NKAIN2: variants seen among roughly 807,000 people sequenced by gnomAD.
NKAIN2 encodes the protein sodium/potassium transporting ATPase interacting 2, also known as sodium/potassium-transporting ATPase subunit beta-1-interacting protein 2.
In NKAIN2, 14 loss-of-function variants were observed where a neutral mutation model predicts 32.6. The observed-to-expected ratio is 0.43, with a 90% confidence interval of 0.28 to 0.67. The LOEUF (loss-of-function observed/expected upper bound fraction) is 0.67. NKAIN2 is among the 30% of genes least tolerant of loss of function. The pLI is 0.17. For missense variants in NKAIN2, 198 were observed against 258.3 expected, an observed-to-expected ratio of 0.77 and a Z score of 1.60; for synonymous variants, 80 against 87.2, an observed-to-expected ratio of 0.92 and a Z score of 0.46.
chr6:124,155,209 A>G (rs1787922361), intron 1 of NKAIN2, among the ~76,000 whole-genome samples: 1 of 152,082 alleles, frequency 6.6e-6, no homozygotes, highest in African/African-American at 2.4e-5. Context: ...AAGATACAAA[A>G]TTATATCTAG....
At chr6:124,226,475 A>T (rs1792117276) in intron 1 of NKAIN2, among the ~76,000 whole-genome samples, 1 of 152,008 alleles carries the variant, frequency 6.6e-6, no homozygotes, top group South Asian at 2.1e-4. Flanking sequence ...CCCTTGTAAC[A>T]TTTCTATTGT....
intron 3 of NKAIN2, among the ~76,000 whole-genome samples, chr6:124,607,233 A>G (rs909419038): frequency 1.3e-5 from 2 of 152,184 alleles, no homozygotes; most frequent in Non-Finnish European, 2.9e-5. Flanking sequence ...ATTTAACTAT[A>G]TATTATTTAA....
chr6:124,695,402 A>G (rs1774452690), intron 4 of NKAIN2, among the ~76,000 whole-genome samples: 1 of 152,242 alleles, frequency 6.6e-6, no homozygotes, highest in Admixed American at 6.5e-5. Flanking sequence ...CCAGGACAAT[A>G]GCATGAATCT....
intron 2 of NKAIN2, among the ~76,000 whole-genome samples, chr6:124,340,859 A>G (rs1431293531): frequency 6.6e-6 from 1 of 152,148 alleles, no homozygotes; most frequent in Non-Finnish European, 1.5e-5. Flanking sequence ...TCTTGGCATG[A>G]AATGTTTTGC....
At chr6:124,265,639 T>G (rs894970356) in intron 1 of NKAIN2, among the ~76,000 whole-genome samples, 1 of 152,226 alleles carries the variant, frequency 6.6e-6, no homozygotes, top group African/African-American at 2.4e-5. Context: ...AATTAGTAGA[T>G]TGTGCTTTAC....
rs575214599 is a variant in NKAIN2 at position 124,540,019 on chromosome 6, C to G, written c.274-118167C>G. Among the ~76,000 whole-genome samples, 10 of 152,260 alleles carry G rather than the reference C, an allele frequency of 6.6e-5. 1 individual carries two copies. The South Asian group carries it at 1.7e-3, about 25-fold the overall frequency. On this transcript the variant is annotated intron_variant, in intron 3 of 6. Transcript: ENST00000368417. Reference sequence around the variant, plus strand: ...TATAGGCGTGAGCCACCACGCCCAGCCAAAGATGTATTTAAACACCAAAGT... The same window carrying G: ...TATAGGCGTGAGCCACCACGCCCAGGCAAAGATGTATTTAAACACCAAAGT...
intron 3 of NKAIN2, among the ~76,000 whole-genome samples, chr6:124,450,271 T>C (rs997118365): frequency 2.6e-5 from 4 of 151,748 alleles, no homozygotes; most frequent in African/African-American, 7.2e-5. Flanking sequence ...TTCAAGACAA[T>C]TGTTTTTCTG....
chr6:124,317,039 C>A (rs1377835873), intron 2 of NKAIN2, among the ~76,000 whole-genome samples: 1 of 152,080 alleles, frequency 6.6e-6, no homozygotes, highest in Admixed American at 6.6e-5. Context: ...GTTGCATGTG[C>A]TTATAGTCCC....
At chr6:124,392,688 G>GA (rs953067943) in intron 3 of NKAIN2, among the ~76,000 whole-genome samples, 30 of 152,026 alleles carry the variant, frequency 2.0e-4, no homozygotes, top group South Asian at 6.2e-4. Context: ...ATTTATGATA[G>GA]AAAAAAATAC....
rs149584778 is a variant in NKAIN2 at position 123,875,517 on chromosome 6, T to G, written c.54+71263T>G. ...TTCTTATTAGTGTTTTTGTGGGGTA[T>G]CTATATTTTAATGATTGATTTGTAA... On this transcript the variant is annotated intron_variant, in intron 1 of 6. Coordinates refer to ENST00000368417, the MANE Select transcript of NKAIN2 (RefSeq NM_001040214.3). Among the ~76,000 whole-genome samples, 12 of 152,170 alleles carry G rather than the reference T, an allele frequency of 7.9e-5. No homozygotes were observed. The East Asian group carries it at 1.9e-3, about 24-fold the overall frequency.
intron 2 of NKAIN2, among the ~76,000 whole-genome samples, chr6:124,335,644 A>G (rs1301550311): frequency 6.6e-6 from 1 of 152,176 alleles, no homozygotes; most frequent in African/African-American, 2.4e-5. Context: ...ACCTTAGTAA[A>G]TGATAATTAT....
intron 3 of NKAIN2, among the ~76,000 whole-genome samples, chr6:124,563,064 C>T (rs781476192): frequency 1.5e-4 from 23 of 151,950 alleles, no homozygotes; most frequent in Non-Finnish European, 2.4e-4. Flanking sequence ...CTACCATGCC[C>T]GGCTAATTTT....
At chr6:124,599,075 C>T (rs906435502) in intron 3 of NKAIN2, among the ~76,000 whole-genome samples, 5 of 149,022 alleles carry the variant, frequency 3.4e-5, no homozygotes, top group African/African-American at 9.9e-5. Flanking sequence ...TTTCAAAAAC[C>T]GAAAATATCA....
chr6:124,761,326 C>T (rs1351464216), intron 4 of NKAIN2, among the ~76,000 whole-genome samples: 1 of 152,142 alleles, frequency 6.6e-6, no homozygotes, highest in Non-Finnish European at 1.5e-5. Flanking sequence ...ACTTGGCCCT[C>T]CCTGACCTTG....
At chr6:124,454,199 A>C (rs886237499) in intron 3 of NKAIN2, among the ~76,000 whole-genome samples, 2 of 151,756 alleles carry the variant, frequency 1.3e-5, no homozygotes, top group African/African-American at 2.4e-5. Flanking sequence ...GCCCTTAGTG[A>C]ATATTATGTT....
At chr6:124,727,951 G>C (rs1671611191) in intron 4 of NKAIN2, among the ~76,000 whole-genome samples, 1 of 148,568 alleles carries the variant, frequency 6.7e-6, no homozygotes, top group Non-Finnish European at 1.5e-5. Flanking sequence ...AAGATCAAAA[G>C]AGACAAAGAA....
intron 5 of NKAIN2, among the ~76,000 whole-genome samples, chr6:124,806,198 A>G (rs940367622): frequency 9.9e-5 from 15 of 152,202 alleles, no homozygotes; most frequent in African/African-American, 3.6e-4. Flanking sequence ...CAGATTCACC[A>G]AAGTTGAAAT....
intron 4 of NKAIN2, among the ~76,000 whole-genome samples, chr6:124,710,518 A>G (rs1012342492): frequency 5.3e-5 from 8 of 152,004 alleles, no homozygotes; most frequent in Non-Finnish European, 2.9e-5. Flanking sequence ...GTGCTCCTGT[A>G]TTGGGTGCGT....
intron 1 of NKAIN2, among the ~76,000 whole-genome samples, chr6:124,271,998 C>T (rs1242087945): frequency 6.6e-6 from 1 of 152,134 alleles, no homozygotes; most frequent in African/African-American, 2.4e-5. Context: ...TTCAAGCATT[C>T]AGTTTTATGC....
Sources: gnomAD v4.1 joint callset for allele counts (sites outside exome capture counted in the v4.1 genomes callset) on GRCh38, gnomAD v4.1.1 for gene constraint, MANE v1.5 for transcripts, NCBI Gene and HGNC (gene_info 2026-07-23, HGNC 2026-07-21) for gene names.